RAPGEF1: variants seen among roughly 807,000 people sequenced by gnomAD.
RAPGEF1 encodes the protein Rap guanine nucleotide exchange factor 1, also known as CRK SH3-binding GNRP.
A neutral mutation model predicts 143.3 loss-of-function variants in RAPGEF1; 33 were observed. The observed-to-expected ratio is 0.23, with a 90% CI of 0.17 to 0.31. The LOEUF (loss-of-function observed/expected upper bound fraction) is 0.31, where lower values mean the gene tolerates loss of function less well. Among genes scored for constraint, RAPGEF1 ranks in the 10% least tolerant of loss-of-function variants. The pLI is 1.00. For missense variants in RAPGEF1, 1,199 were observed against 1,645.4 expected (o/e 0.73, Z 4.69); for synonymous variants, 629 against 676.5 (o/e 0.93, Z 1.09).
intron 11 of RAPGEF1, among the ~76,000 whole-genome samples, chr9:131,620,081 T>C (rs934300570): frequency 6.6e-6 from 1 of 152,158 alleles, no homozygotes; most frequent in Non-Finnish European, 1.5e-5. Flanking sequence ...TCAACACAGA[T>C]GTTCCTAACA....
At chr9:131,633,927 G>C (rs921542368) in intron 5 of RAPGEF1, among the ~76,000 whole-genome samples, 1 of 152,164 alleles carries the variant, frequency 6.6e-6, no homozygotes, top group Non-Finnish European at 1.5e-5. Context: ...TTTTTGAGAG[G>C]GATGTCAGAC....
In RAPGEF1 at chr9:131,592,088, G is replaced by T; in HGVS notation, c.2774+11C>A. The stretch of plus-strand genomic sequence containing the variant: ...TGGTGCAGGGGCCCTGGGTCAGGAA[G>T]GAAAGGATATCTGTACTGCAGCTTC... On this transcript the variant is annotated intron_variant, in intron 18 of 26. Coordinates refer to ENST00000683357, the MANE Select transcript of RAPGEF1 (RefSeq NM_001377935.1). 1 of 1,597,464 alleles carries T rather than the reference G, an allele frequency of 6.3e-7. No individual in the cohort carries two copies. The highest frequency in any genetic ancestry group is 8.6e-7 in the Non-Finnish European group (1 of 1,165,084).
chr9:131,719,276 C>A (rs1836083439), intron 1 of RAPGEF1, among the ~76,000 whole-genome samples: 1 of 152,194 alleles, frequency 6.6e-6, no homozygotes, highest in Non-Finnish European at 1.5e-5. Flanking sequence ...TTCTTCCCAA[C>A]TGCTCAGCTT....
Position 131,626,414 on chromosome 9 carries a change from C to G in RAPGEF1, c.1210G>C (p.Asp404His). Residue 404 changes from aspartate to histidine, a missense_variant, in exon 10 of 27, where the codon GAT becomes CAT. Physicochemically the swap from Asp to His is moderately conservative, Grantham distance 81. Transcript: ENST00000683357. Reference protein sequence around the residue: ...NTSCETLDHYDPDYEFLQQDL... With the variant: ...NTSCETLDHYHPDYEFLQQDL... ...TGCTGGAGGAATTCATAGTCGGGAT[C>G]ATAGTGGTCTGCAGTTACAACAGGG... 6.3e-7 allele frequency: 1 copy of G among 1,591,370 alleles called. No homozygotes were observed. Among genetic ancestry groups the G allele is most frequent in the Non-Finnish European group, 8.6e-7 (1 of 1,164,788 alleles).
intron 1 of RAPGEF1, among the ~76,000 whole-genome samples, chr9:131,685,324 T>C (rs1262119798): frequency 6.6e-6 from 1 of 152,162 alleles, no homozygotes; most frequent in African/African-American, 2.4e-5. Context: ...CCCCCCAAAA[T>C]CTGGCCATAA....
At chr9:131,726,378 C>T (rs1385150367) in intron 1 of RAPGEF1, among the ~76,000 whole-genome samples, 2 of 151,982 alleles carry the variant, frequency 1.3e-5, no homozygotes, top group East Asian at 1.9e-4. Flanking sequence ...TGTAATCTCA[C>T]CACTTTGGGA....
At chr9:131,671,545 G>T (rs76830267) in intron 1 of RAPGEF1, among the ~76,000 whole-genome samples, 1 of 152,340 alleles carries the variant, frequency 6.6e-6, no homozygotes, top group South Asian at 2.1e-4. Context: ...CTGGAATGCA[G>T]GCTCTGCACT....
At chr9:131,625,292 C>T (rs906825171) in intron 10 of RAPGEF1, among the ~76,000 whole-genome samples, 3 of 152,118 alleles carry the variant, frequency 2.0e-5, no homozygotes, top group Non-Finnish European at 1.5e-5. Flanking sequence ...AGGAGAAAAC[C>T]GAATTTCCAG....
At chr9:131,695,579 G>C (rs1370037939) in intron 1 of RAPGEF1, among the ~76,000 whole-genome samples, 1 of 152,210 alleles carries the variant, frequency 6.6e-6, no homozygotes, top group Non-Finnish European at 1.5e-5. Context: ...CAAGCTAGAC[G>C]TTTAGCTGCC....
At chr9:131,627,853 T>C (rs1460025873) in intron 9 of RAPGEF1, 60 bp downstream of exon 9, 11 of 1,521,706 alleles carry the variant, frequency 7.2e-6, no homozygotes, top group South Asian at 2.4e-5. Flanking sequence ...CACCCAGGAC[T>C]GTAATGGCCC....
At chr9:131,717,764 C>CAAA (rs35660614) in intron 1 of RAPGEF1, among the ~76,000 whole-genome samples, 9 of 104,478 alleles carry the variant, frequency 8.6e-5, no homozygotes, top group Admixed American at 3.2e-4. Context: ...GAGACTGTCT[C>CAAA]AAAAAAAAAA....
At chr9:131,711,157 C>T (rs541026819) in intron 1 of RAPGEF1, among the ~76,000 whole-genome samples, 3 of 148,108 alleles carry the variant, frequency 2.0e-5, no homozygotes, top group Middle Eastern at 3.5e-3. Context: ...CCCAAGCAAT[C>T]CTCCTCCCTC....
rs565949828 is a variant in RAPGEF1, at chr9:131,650,839, C to T, written c.172G>A (p.Val58Ile). 1.9e-5 allele frequency: 30 copies of T among 1,613,876 alleles called. No homozygotes were observed. The highest frequency in any genetic ancestry group is 8.3e-5 in the Admixed American group (5 of 60,006). ...SKKGKPAEVS[V>I]KIPEKPVNKE... ...TTCACAGGCTTCTCTGGAATCTTTA[C>T]GGACACCTCAGCTGGTTTTCCCTTC... Residue 58 changes from valine to isoleucine, a missense_variant, in exon 2 of 27, where the codon GTA (valine) becomes ATA (isoleucine). Val to Ile is a conservative substitution (Grantham distance 29, BLOSUM62 3). Coordinates refer to ENST00000683357, the MANE Select transcript of RAPGEF1 (RefSeq NM_001377935.1). The surrounding 1 kb of genome is among the most constrained non-coding windows in gnomAD (Gnocchi z 4.7).
chr9:131,589,051 C>T, intron 19 of RAPGEF1, 65 bp from the exon 20 acceptor site: 2 of 1,499,830 alleles, frequency 1.3e-6, no homozygotes, highest in Non-Finnish European at 1.8e-6. Flanking sequence ...TCTGTCTTTG[C>T]CTTGAGACAC....
intron 22 of RAPGEF1, among the ~76,000 whole-genome samples, chr9:131,585,832 A>G (rs111773963): frequency 0.096 from 14,666 of 152,078 alleles, 773 homozygotes; most frequent in Middle Eastern, 0.23. Flanking sequence ...CGCCTCTTGA[A>G]GAGACAAGAG....
chr9:131,728,361 G>A (rs1043039823), intron 1 of RAPGEF1, among the ~76,000 whole-genome samples: 7 of 152,146 alleles, frequency 4.6e-5, no homozygotes, highest in African/African-American at 7.2e-5. Context: ...ATTAATCCCC[G>A]AAAGTCACCC....
chr9:131,647,016 G>A (rs1969836323), intron 3 of RAPGEF1, among the ~76,000 whole-genome samples: 1 of 152,162 alleles, frequency 6.6e-6, no homozygotes, highest in African/African-American at 2.4e-5. Flanking sequence ...TGCCCTCAGA[G>A]ATGGGGCATT....
intron 3 of RAPGEF1, among the ~76,000 whole-genome samples, chr9:131,647,681 G>A (rs1004544307): frequency 1.1e-4 from 16 of 152,218 alleles, no homozygotes; most frequent in East Asian, 1.9e-4. Flanking sequence ...GGGCCTCCAC[G>A]AAGCAAGAGG....
intron 1 of RAPGEF1, among the ~76,000 whole-genome samples, chr9:131,698,210 A>G (rs560951088): frequency 3.9e-5 from 6 of 152,342 alleles, no homozygotes; most frequent in African/African-American, 7.2e-5. Flanking sequence ...TGAGATAATC[A>G]TCATCCACAA....
Sources: gnomAD v4.1 joint callset for allele counts (sites outside exome capture counted in the v4.1 genomes callset) on GRCh38, gnomAD v4.1.1 for gene constraint, Gnocchi (gnomAD v3.1) non-coding constraint, MANE v1.5 for transcripts, NCBI Gene and HGNC (gene_info 2026-07-23, HGNC 2026-07-21) for gene names.